Variants in EFCAB5 observed in about 807,000 individuals in gnomAD.
The protein encoded by EFCAB5 is EF-hand calcium binding domain 5.
In EFCAB5, 131 loss-of-function variants were observed where a neutral mutation model predicts 167.9. That is an observed-to-expected ratio of 0.78 (90% CI 0.68 to 0.90). The LOEUF is 0.90. Ranked by LOEUF, EFCAB5 falls within the 40% of genes least tolerant of loss-of-function variation. EFCAB5 has a pLI of 0.00. For synonymous variants in EFCAB5, 574 were observed against 602.8 expected (o/e 0.95, Z 0.70); for missense variants, 1,663 against 1,745.2 (o/e 0.95, Z 0.84).
intron 8 of EFCAB5, among the ~76,000 whole-genome samples, chr17:30,040,349 G>A (rs1481520545): frequency 6.6e-6 from 1 of 152,148 alleles, no homozygotes; most frequent in East Asian, 1.9e-4. Context: ...GTGCAGTCAG[G>A]CACCTCCATG....
At chr17:29,968,232 T>A in intron 3 of EFCAB5, 1 of 411,636 alleles carries the variant, frequency 2.4e-6, no homozygotes. Flanking sequence ...TGAAAATCAC[T>A]TGTTATCAGA....
At chr17:29,930,302 AACCCTTG>A (rs1302429980) in intron 1 of EFCAB5, 3 of 447,612 alleles carry the variant, frequency 6.7e-6, no homozygotes, top group African/African-American at 4.2e-5. Flanking sequence ...GCCTGGTCGT[AACCCTTG>A]AGTTGCCGGA....
At chr17:30,089,593 G>A (rs986262624) in intron 19 of EFCAB5, among the ~76,000 whole-genome samples, 1 of 152,130 alleles carries the variant, frequency 6.6e-6, no homozygotes, top group Non-Finnish European at 1.5e-5. Context: ...TGAGGCAGAT[G>A]CTATAGATGC....
At chr17:29,979,677 T>C (rs1193328003) in intron 4 of EFCAB5, among the ~76,000 whole-genome samples, 2 of 152,164 alleles carry the variant, frequency 1.3e-5, no homozygotes, top group Admixed American at 1.3e-4. Context: ...TAAGTACTTT[T>C]TCTATATATT....
chr17:29,946,622 T>C (rs751788429), intron 3 of EFCAB5, among the ~76,000 whole-genome samples: 1 of 151,788 alleles, frequency 6.6e-6, no homozygotes, highest in Non-Finnish European at 1.5e-5. Context: ...ATTTTTTTAG[T>C]AGAGACTGGG....
Position 29,979,079 on chromosome 17 carries a change from C to T in EFCAB5, c.767+9712C>T, listed in dbSNP as rs1049127582. Among the ~76,000 whole-genome samples, 8 of 152,164 alleles carry T rather than the reference C, an allele frequency of 5.3e-5. No individual in the cohort carries two copies. In the East Asian group the frequency reaches 9.7e-4, roughly 18 times the overall value. On this transcript the variant is annotated intron_variant, in intron 4 of 22. Coordinates refer to ENST00000394835, the MANE Select transcript of EFCAB5 (RefSeq NM_198529.4). ...AGAAATAGGAAATCCTGGCTGGGCA[C>T]GGTGGCTCACGCCTGTAATCTCAGC...
At chr17:29,986,522 C>T (rs1326105608) in intron 4 of EFCAB5, among the ~76,000 whole-genome samples, 3 of 151,980 alleles carry the variant, frequency 2.0e-5, no homozygotes, top group Non-Finnish European at 4.4e-5. Flanking sequence ...CACCTCTCTG[C>T]CTGTTCTGCA....
intron 4 of EFCAB5, among the ~76,000 whole-genome samples, chr17:29,991,384 C>G (rs938075279): frequency 3.9e-5 from 6 of 152,152 alleles, no homozygotes; most frequent in African/African-American, 1.4e-4. Flanking sequence ...CTGAGAGCCT[C>G]GAACAGAGTT....
chr17:30,043,321 C>T (rs2151757484), intron 8 of EFCAB5, among the ~76,000 whole-genome samples: 1 of 152,114 alleles, frequency 6.6e-6, no homozygotes, highest in African/African-American at 2.4e-5. Context: ...TTAATGATTC[C>T]CTCCTTATAA....
chr17:30,041,942 T>C (rs1338991692), intron 8 of EFCAB5, among the ~76,000 whole-genome samples: 3 of 152,196 alleles, frequency 2.0e-5, no homozygotes, highest in African/African-American at 7.2e-5. Flanking sequence ...GCAATTAATC[T>C]ATGGTACACT....
intron 7 of EFCAB5, among the ~76,000 whole-genome samples, chr17:30,021,935 C>A (rs757500037): frequency 2.0e-5 from 3 of 152,074 alleles, no homozygotes; most frequent in Non-Finnish European, 2.9e-5. Context: ...CCCCTCAGAT[C>A]ATTTGTAAAG....
At chr17:30,095,558 A>C (rs2071276369) in intron 22 of EFCAB5, among the ~76,000 whole-genome samples, 1 of 152,134 alleles carries the variant, frequency 6.6e-6, no homozygotes, top group Non-Finnish European at 1.5e-5. Context: ...TGGCTCTCAT[A>C]GGTGCCACGC....
intron 22 of EFCAB5, among the ~76,000 whole-genome samples, chr17:30,096,104 A>G (rs1001844952): frequency 2.0e-5 from 3 of 152,192 alleles, no homozygotes; most frequent in Non-Finnish European, 4.4e-5. Context: ...CATACAATGC[A>G]CAAGAGAAGG....
At chr17:29,936,101 A>G in intron 1 of EFCAB5, among the ~76,000 whole-genome samples, 1 of 152,242 alleles carries the variant, frequency 6.6e-6, no homozygotes, top group East Asian at 1.9e-4. Context: ...AGTGGCACAT[A>G]TACACCATGG....
intron 8 of EFCAB5, among the ~76,000 whole-genome samples, chr17:30,048,490 TC>T (rs2069990138): frequency 6.6e-6 from 1 of 150,942 alleles, no homozygotes; most frequent in African/African-American, 2.4e-5. Flanking sequence ...GGAGGATACT[TC>T]TTTTTTTTTT....
chr17:30,079,127 GAACCTATGCCAGTCATCTC>G (rs2070930220), intron 15 of EFCAB5, among the ~76,000 whole-genome samples: 1 of 152,128 alleles, frequency 6.6e-6, no homozygotes, highest in Admixed American at 6.6e-5. Context: ...CTAATCCAGG[GAACCTATGCCAGTCATCTC>G]AGCTAAATAG....
At chr17:29,968,249 G>A (rs1207742663) in intron 3 of EFCAB5, 1 of 420,624 alleles carries the variant, frequency 2.4e-6, no homozygotes, top group East Asian at 8.1e-5. Flanking sequence ...CAGAGAATTT[G>A]AACCAAACCC....
rs35344808 is a variant in EFCAB5, at chr17:29,932,149, C to CTT, written c.-127+2838_-127+2839dup. Among the ~76,000 whole-genome samples the CTT allele has an allele frequency of 5.5e-3, 752 of 136,586 alleles. 10 individuals carry two copies. The highest frequency in any genetic ancestry group is 0.019 in the African/African-American group (689 of 36,442). 89.6% of individuals were successfully genotyped at this position (136,586 alleles called of 152,430 possible). On this transcript the variant is annotated intron_variant, in intron 1 of 3. Coordinates refer to the EFCAB5 transcript ENST00000448319. ...AAAGCCCTCTATGCAATTAAGATAA[C>CTT]TTTTTTTTTTTTTTTTTTTGAGACG...
In EFCAB5 at chr17:30,080,984, A is replaced by G. The variant is rs369811577; in HGVS notation, c.3426+3A>G. 6.2e-6 allele frequency: 10 copies of G among 1,607,126 alleles called. No homozygotes were observed. The African/African-American group carries it at 1.2e-4, about 19-fold the overall frequency. On this transcript the variant is annotated splice_donor_region_variant and intron_variant, in intron 17 of 22. Transcript: ENST00000394835. Reference sequence around the variant, plus strand: ...CTCATGAGATCAGATTCTATCAGGTAAGTCATAGAAGTCTTCAAGAGCGAT... The same window carrying G: ...CTCATGAGATCAGATTCTATCAGGTGAGTCATAGAAGTCTTCAAGAGCGAT...
Sources: gnomAD v4.1 joint callset for allele counts (sites outside exome capture counted in the v4.1 genomes callset) on GRCh38, gnomAD v4.1.1 for gene constraint, MANE v1.5 for transcripts, NCBI Gene and HGNC (gene_info 2026-07-23, HGNC 2026-07-21) for gene names.